Variants in ZNF66 observed in about 807,000 individuals in gnomAD.
ZNF66 encodes the protein zinc finger protein 66, also known as putative zinc finger protein 66.
A neutral mutation model predicts 35.2 loss-of-function variants in ZNF66; 32 were observed. The ratio of observed to expected loss-of-function variants is 0.91; its 90% CI spans 0.69 to 1.22. The LOEUF (loss-of-function observed/expected upper bound fraction) is 1.22. Among genes scored for constraint, ZNF66 ranks in the 50% most tolerant of loss-of-function variants. The pLI is 0.00. For missense variants in ZNF66, 666 were observed against 543.1 expected, an observed-to-expected ratio of 1.23 and a Z score of -2.25; for synonymous variants, 231 against 181.3, an observed-to-expected ratio of 1.27 and a Z score of -2.20.
chr19:20,806,451 C>T lies in ZNF66; in HGVS notation c.851C>T (p.Pro284Leu), dbSNP rs752340011. 6.5e-7 allele frequency: 1 copy of T among 1,544,312 alleles called. No individual in the cohort carries two copies. The highest frequency in any genetic ancestry group is 9.0e-7 in the Non-Finnish European group (1 of 1,117,198). Residue 284 changes from proline (P) to leucine (L), a missense_variant, in exon 4 of 4, where the codon CCC becomes CTC. Transcript: ENST00000344519. ...AAGAGAATTCATACTGGAGAGAAAC[C>T]CTACAAATGTGAAGAATGTGGCAAA... The part of the protein sequence containing the change: ...THKRIHTGEK[P>L]YKCEECGKVF...
chr19:20,789,665 T>G (rs1428345814), intron 1 of ZNF66, among the ~76,000 whole-genome samples: 1 of 152,134 alleles, frequency 6.6e-6, no homozygotes, highest in Non-Finnish European at 1.5e-5. Flanking sequence ...CTTTTATTCC[T>G]TATAATTTAA....
intron 1 of ZNF66, among the ~76,000 whole-genome samples, chr19:20,780,483 C>A (rs904054835): frequency 1.3e-5 from 2 of 151,828 alleles, no homozygotes; most frequent in Non-Finnish European, 2.9e-5. Context: ...ATGGGACTAA[C>A]AAGTTTTTAA....
chr19:20,789,201 A>G (rs540733698), intron 1 of ZNF66, among the ~76,000 whole-genome samples: 1 of 152,318 alleles, frequency 6.6e-6, no homozygotes, highest in Non-Finnish European at 1.5e-5. Flanking sequence ...GTAACCTTTG[A>G]AAAAAGAATA....
intron 3 of ZNF66, among the ~76,000 whole-genome samples, chr19:20,804,624 G>A (rs1183468821): frequency 2.0e-5 from 3 of 152,030 alleles, no homozygotes; most frequent in African/African-American, 7.2e-5. Flanking sequence ...TCACTGATGG[G>A]GCCATGTTGC....
chr19:20,795,042 T>C (rs1971378657), intron 3 of ZNF66, among the ~76,000 whole-genome samples: 1 of 151,918 alleles, frequency 6.6e-6, no homozygotes, highest in Non-Finnish European at 1.5e-5. Context: ...CAGCTACTTT[T>C]TTGTATTTTT....
In ZNF66 at chr19:20,790,650, G is replaced by A. The variant is rs1415989408; in HGVS notation, c.4-1862G>A. Among the ~76,000 whole-genome samples the A allele has an allele frequency of 7.2e-5, 11 of 152,266 alleles. No homozygotes were observed. The East Asian group carries it at 2.1e-3, about 29-fold the overall frequency. On this transcript the variant is annotated intron_variant, in intron 1 of 3. Transcript: ENST00000344519. ...TGATGCCATGCTAGCTGGTAAACAT[G>A]TGGCACTGACACCTTTAAAGGCATA... is the stretch of plus-strand genomic sequence containing the variant.
chr19:20,785,753 TTTTGTTTG>T lies in ZNF66; in HGVS notation c.4-6743_4-6736del, dbSNP rs967880131. ...GAGAAAATTTTTCTTCTTTTTCTGT[TTTTGTTTG>T]TTTGTTTGTTTGTTTTTTGAGATAG... On this transcript the variant is annotated intron_variant, in intron 1 of 3. Coordinates refer to ENST00000344519, the MANE Select transcript of ZNF66 (RefSeq NM_001355197.2). Among the ~76,000 whole-genome samples the T allele has an allele frequency of 2.0e-5, 3 of 150,164 alleles. No homozygotes were observed. In the South Asian group the frequency reaches 6.3e-4, roughly 32 times the overall value.
In ZNF66 at chr19:20,807,126, A is replaced by C. The variant is rs767689328; in HGVS notation, c.1526A>C (p.Tyr509Ser). 1 of 798,096 alleles carries C rather than the reference A, an allele frequency of 1.3e-6. No homozygotes were observed. The highest frequency in any genetic ancestry group is 2.2e-6 in the Non-Finnish European group (1 of 448,264). The allele number at this position is 798,096 out of a possible 1,614,324, so 49.4% of individuals were successfully genotyped here. A position where few individuals can be genotyped will look rare whatever the true frequency, so the allele number is the denominator to read the frequency against. Reference protein sequence around the residue: ...HKRIHTADKPYKCEECGKDFK... With the variant: ...HKRIHTADKPSKCEECGKDFK... ...AGAATTCATACTGCAGATAAACCCT[A>C]CAAATGTGAAGAATGTGGCAAAGAC... The change falls in exon 4 of 4, where the codon TAC becomes TCC. Residue 509 changes from tyrosine to serine, a missense_variant. Tyr to Ser is a moderately radical substitution (Grantham distance 144). Transcript: ENST00000344519.
chr19:20,791,451 C>T (rs371294153), intron 1 of ZNF66, among the ~76,000 whole-genome samples: 23 of 146,862 alleles, frequency 1.6e-4, no homozygotes, highest in African/African-American at 5.9e-4. Flanking sequence ...TGCCATTGCA[C>T]TCCAGCCTGG....
At chr19:20,792,478 A>C (rs749022334) in intron 1 of ZNF66, 34 bp from the exon 2 acceptor site, 4 of 1,471,974 alleles carry the variant, frequency 2.7e-6, no homozygotes. Context: ...GCCCATAACC[A>C]CTTGGTGAAA....
intron 1 of ZNF66, among the ~76,000 whole-genome samples, chr19:20,787,561 C>T (rs10407397): frequency 0.093 from 14,169 of 152,196 alleles, 674 homozygotes; most frequent in Middle Eastern, 0.11. Flanking sequence ...GAGATGTCAA[C>T]CTAAACATCT....
At chr19:20,784,249 T>G (rs1450790189) in intron 1 of ZNF66, among the ~76,000 whole-genome samples, 3 of 152,322 alleles carry the variant, frequency 2.0e-5, no homozygotes, top group Middle Eastern at 3.4e-3. Flanking sequence ...AAATATAAAG[T>G]GTTTTAACTG....
chr19:20,793,573 G>A (rs1169392151), intron 2 of ZNF66, among the ~76,000 whole-genome samples: 3 of 151,734 alleles, frequency 2.0e-5, no homozygotes, highest in South Asian at 2.1e-4. Flanking sequence ...TGCCTGCCTC[G>A]GCCTCCCAAG....
At chr19:20,793,986 CT>C (rs112261769) in intron 3 of ZNF66, 108 bp downstream of exon 3, 53,213 of 591,592 alleles carry the variant, frequency 0.09, 2,629 homozygotes, top group African/African-American at 0.1. Context: ...TCCAAAGGAA[CT>C]TCTGGGCAGC....
intron 3 of ZNF66, among the ~76,000 whole-genome samples, chr19:20,805,395 T>G (rs542123598): frequency 7.9e-4 from 120 of 152,270 alleles, no homozygotes; most frequent in African/African-American, 2.9e-3. Context: ...GTTCTCACCA[T>G]CTTGGCCAGG....
intron 3 of ZNF66, among the ~76,000 whole-genome samples, chr19:20,797,517 TA>T (rs2144908588): frequency 6.6e-6 from 1 of 150,648 alleles, no homozygotes; most frequent in East Asian, 2.0e-4. Context: ...ATTTTATGAG[TA>T]AACATTTATT....
chr19:20,779,033 A>C (rs1478215079), intron 1 of ZNF66, among the ~76,000 whole-genome samples: 3 of 152,170 alleles, frequency 2.0e-5, no homozygotes, highest in Admixed American at 2.0e-4. Flanking sequence ...TGCTCACCCC[A>C]GCCATAGAAG....
intron 1 of ZNF66, among the ~76,000 whole-genome samples, chr19:20,790,018 A>C (rs1454308856): frequency 6.6e-6 from 1 of 152,176 alleles, no homozygotes; most frequent in Non-Finnish European, 1.5e-5. Flanking sequence ...TCTCTAACTA[A>C]TGTAAATAAT....
rs1971553289 is a variant in ZNF66, at chr19:20,808,709, CA to C, written c.*1390del. On this transcript the variant is annotated 3_prime_UTR_variant, in exon 4 of 4. Coordinates refer to ENST00000344519, the MANE Select transcript of ZNF66 (RefSeq NM_001355197.2). ...AAACCCATCTGTACATCACCATCAT[CA>C]AAGACCAAAAGTAGATAAAACCACA... Among the ~76,000 whole-genome samples, 1 of 151,980 alleles carries C rather than the reference CA, an allele frequency of 6.6e-6. No homozygotes were observed. The highest frequency in any genetic ancestry group is 2.4e-5 in the African/African-American group (1 of 41,360).
Sources: allele counts gnomAD v4.1 joint callset (sites outside exome capture counted in the v4.1 genomes callset), GRCh38; gene constraint gnomAD v4.1.1; transcripts MANE v1.5; gene names NCBI Gene and HGNC (gene_info 2026-07-23, HGNC 2026-07-21).